TUBB8: variants seen among roughly 807,000 people sequenced by gnomAD.
TUBB8 encodes tubulin beta-8 chain.
In TUBB8, 25 loss-of-function variants were observed where a neutral mutation model predicts 33.7. The ratio of observed to expected loss-of-function variants is 0.74; its 90% CI spans 0.54 to 1.04. The LOEUF (loss-of-function observed/expected upper bound fraction) is 1.04. TUBB8 is among the 50% of genes least tolerant of loss of function. The probability of loss-of-function intolerance (pLI) is 0.00; values close to 1 mark genes in which losing one functional copy is unlikely to be tolerated. For missense variants in TUBB8, 279 were observed against 608.0 expected (o/e 0.46, Z 5.69); for synonymous variants, 245 against 240.1 (o/e 1.02, Z -0.19).
At chr10:57,908 A>G (rs1300473459) in intron 1 of TUBB8, among the ~76,000 whole-genome samples, 1 of 152,050 alleles carries the variant, frequency 6.6e-6, no homozygotes, top group Non-Finnish European at 1.5e-5. Flanking sequence ...TTTCTGCCAC[A>G]TGACTAGGCT....
intron 1 of TUBB8, among the ~76,000 whole-genome samples, chr10:58,566 A>G (rs1230825914): frequency 2.0e-5 from 3 of 152,258 alleles, no homozygotes; most frequent in African/African-American, 7.2e-5. Flanking sequence ...GTTTACAGTC[A>G]TGGCAAAAGT....
At chr10:52,500 C>T (rs1834481149), upstream of TUBB8, among the ~76,000 whole-genome samples, 1 of 152,212 alleles carries the variant, frequency 6.6e-6, no homozygotes, top group Non-Finnish European at 1.5e-5. Context: ...CCTCAGAAAA[C>T]AAGAGCAGGA....
At chr10:66,731 G>A (rs1474938830) in intron 1 of TUBB8, among the ~76,000 whole-genome samples, 1 of 152,198 alleles carries the variant, frequency 6.6e-6, no homozygotes, top group East Asian at 1.9e-4. Flanking sequence ...CAATGCTTTG[G>A]GAGGCCAAGA....
In TUBB8 at chr10:48,880, G is replaced by A. The variant is rs1554738905; in HGVS notation, c.90C>T (p.Ile30=). The A allele has an allele frequency of 4.5e-6, 7 of 1,566,418 alleles. No individual in the cohort carries two copies. Among genetic ancestry groups the A allele is most frequent in the South Asian group, 1.2e-5 (1 of 86,640 alleles). ...CCCCGTGGTAGGTGCCAGCGGAGTCGATGGCATGTTCATCAGAGATCACCT... is the reference window on the plus strand; with the variant it reads ...CCCCGTGGTAGGTGCCAGCGGAGTCAATGGCATGTTCATCAGAGATCACCT... The part of the protein sequence containing the change: ...FWEVISDEHA[I]DSAGTYHGDS... The change falls in exon 2 of 4, where the codon ATC becomes ATT. Residue 30 remains isoleucine, a synonymous_variant. Transcript: ENST00000568584.
Position 47,395 on chromosome 10 carries a change from T to A in TUBB8, c.997A>T (p.Ile333Phe). 1 of 1,612,682 alleles carries A rather than the reference T, an allele frequency of 6.2e-7. No individual in the cohort carries two copies. Among genetic ancestry groups the A allele is most frequent in the Non-Finnish European group, 8.5e-7 (1 of 1,179,948 alleles). ...AAGTAACTGCTGTTCTTATCTTGAA[T>A]GTTGAACATTTGTTCATCCACCTCC... Reference protein sequence around the residue: ...MREVDEQMFNIQDKNSSYFAD... With the variant: ...MREVDEQMFNFQDKNSSYFAD... Residue 333 changes from isoleucine to phenylalanine, a missense_variant, in exon 4 of 4, where the codon ATT (isoleucine) becomes TTT (phenylalanine). Around this residue, in one of 4 missense-constraint regions of TUBB8, gnomAD observed 123 missense variants for 228.9 expected, o/e 0.54. Coordinates refer to ENST00000568584, the MANE Select transcript of TUBB8 (RefSeq NM_177987.3).
At chr10:53,024 C>T (rs1312972466), upstream of TUBB8, among the ~76,000 whole-genome samples, 1 of 152,176 alleles carries the variant, frequency 6.6e-6, no homozygotes, top group African/African-American at 2.4e-5. Context: ...TCAAAGATTT[C>T]TCAGGATTGG....
intron 3 of TUBB8, 108 bp downstream of exon 3, chr10:48,507 G>T: frequency 2.7e-6 from 3 of 1,097,588 alleles, no homozygotes; most frequent in Non-Finnish European, 4.1e-6. Context: ...ATAGGAGGGT[G>T]TTCAGGGGCC....
At chr10:67,917 G>A (rs1219497188) in intron 1 of TUBB8, among the ~76,000 whole-genome samples, 3 of 152,156 alleles carry the variant, frequency 2.0e-5, no homozygotes, top group East Asian at 1.9e-4. Flanking sequence ...CTACATATGC[G>A]TGCAAGTACA....
At chr10:66,092 T>C (rs1834667201) in intron 1 of TUBB8, among the ~76,000 whole-genome samples, 1 of 152,212 alleles carries the variant, frequency 6.6e-6, no homozygotes, top group Admixed American at 6.5e-5. Flanking sequence ...CCAATGCTCA[T>C]TTTCATCACT....
upstream of TUBB8, among the ~76,000 whole-genome samples, chr10:51,049 C>G (rs1380952368): frequency 6.6e-6 from 1 of 152,162 alleles, no homozygotes; most frequent in Non-Finnish European, 1.5e-5. Flanking sequence ...TGGGAGGGAC[C>G]CAGTGGGAGG....
At chr10:71,434 G>T (rs1834735194) in intron 1 of TUBB8, among the ~76,000 whole-genome samples, 1 of 151,528 alleles carries the variant, frequency 6.6e-6, no homozygotes, top group Non-Finnish European at 1.5e-5. Context: ...AGGAGTTCGA[G>T]ACAAGCCTGA....
chr10:54,403 T>C (rs61840067), intron 1 of TUBB8, among the ~76,000 whole-genome samples: 2,080 of 116,278 alleles, frequency 0.018, no homozygotes, highest in African/African-American at 0.044. Flanking sequence ...AGTACTCCAT[T>C]GTGTATATGT....
rs1834360977 is a variant in TUBB8, at chr10:47,543, G to C, written c.849C>G (p.Ala283=). The C allele has an allele frequency of 2.5e-6, 4 of 1,612,002 alleles. No homozygotes were observed. Among genetic ancestry groups the C allele is most frequent in the Non-Finnish European group, 3.4e-6 (4 of 1,180,036 alleles). The stretch of plus-strand genomic sequence containing the variant: ...GCTGGGTAAGCTCAGCCACAGTCAA[G>C]GCCCGGTACTGCTGGCTGCCCCGGC... ...LTSRGSQQYR[A]LTVAELTQQM... is the part of the protein sequence containing the mutation. Residue 283 remains alanine (A), a synonymous_variant, in exon 4 of 4, where the codon GCC becomes GCG. Transcript: ENST00000568584.
At chr10:49,711 C>A (rs1834441673), upstream of TUBB8, 21 of 391,358 alleles carry the variant, frequency 5.4e-5, no homozygotes, top group South Asian at 4.0e-4. Context: ...CTCAACAGGA[C>A]TCAATTATAC....
chr10:66,690 G>A (rs1389433882), intron 1 of TUBB8, among the ~76,000 whole-genome samples: 16 of 152,192 alleles, frequency 1.1e-4, no homozygotes, highest in African/African-American at 3.6e-4. Context: ...AAAATCAACA[G>A]GCTGGACATG....
chr10:46,956 G>C lies in TUBB8; in HGVS notation c.*101C>G. 1.7e-6 allele frequency: 1 copy of C among 595,806 alleles called. No individual in the cohort carries two copies. Among genetic ancestry groups the C allele is most frequent in the South Asian group, 2.0e-5 (1 of 50,360 alleles). The allele number at this position is 595,806 out of a possible 1,614,324, so 36.9% of individuals were successfully genotyped here. ...AAAAATGCTTTAAAACGCAGCAGGA[G>C]ATGTGAAGACACAAATTAACAAGCG... On this transcript the variant is annotated 3_prime_UTR_variant, in exon 4 of 4. Transcript: ENST00000568584.
intron 1 of TUBB8, among the ~76,000 whole-genome samples, chr10:64,407 C>A (rs1834642592): frequency 6.6e-6 from 1 of 151,970 alleles, no homozygotes; most frequent in Non-Finnish European, 1.5e-5. Flanking sequence ...ACCACTGACC[C>A]CAACCCTAAC....
upstream of TUBB8, chr10:50,135 T>C (rs1320290142): frequency 2.6e-5 from 4 of 152,436 alleles, no homozygotes; most frequent in African/African-American, 9.7e-5. Context: ...TGGACAGGTT[T>C]AACTGGAGAA....
chr10:66,144 G>C (rs1436497069), intron 1 of TUBB8, among the ~76,000 whole-genome samples: 2 of 152,142 alleles, frequency 1.3e-5, no homozygotes, highest in African/African-American at 4.8e-5. Context: ...CAACAAATAG[G>C]AGAGAAAAAG....
Sources: allele counts gnomAD v4.1 joint callset (sites outside exome capture counted in the v4.1 genomes callset), GRCh38; gene constraint gnomAD v4.1.1; regional missense constraint gnomAD v4.1.1; transcripts MANE v1.5; gene names NCBI Gene and HGNC (gene_info 2026-07-23, HGNC 2026-07-21).